Variants in XKR4 observed in about 807,000 individuals in gnomAD.
The protein encoded by XKR4 is XK related 4, also known as XK-related protein 4.
Under a neutral mutation model 53.9 loss-of-function variants are expected in XKR4, and 12 were observed. The observed-to-expected ratio is 0.22, with a 90% confidence interval of 0.14 to 0.36. The LOEUF is 0.36. Among genes scored for constraint, XKR4 ranks in the 10% least tolerant of loss-of-function variants. XKR4 has a pLI of 1.00. For synonymous variants in XKR4, 354 were observed against 362.4 expected, an observed-to-expected ratio of 0.98 and a Z score of 0.26; for missense variants, 799 against 859.5, an observed-to-expected ratio of 0.93 and a Z score of 0.88.
At chr8:55,149,960 C>T (rs576779260) in intron 1 of XKR4, among the ~76,000 whole-genome samples, 1 of 152,280 alleles carries the variant, frequency 6.6e-6, no homozygotes, top group South Asian at 2.1e-4. Flanking sequence ...CAAAGGTGCA[C>T]CACGGTTCAA....
intron 1 of XKR4, among the ~76,000 whole-genome samples, chr8:55,331,086 C>T (rs1415239229): frequency 1.3e-5 from 2 of 152,108 alleles, no homozygotes; most frequent in East Asian, 1.9e-4. Context: ...TTTTCCATCA[C>T]CCCAAACTGA....
chr8:55,351,185 A>G (rs1477160853), intron 1 of XKR4, among the ~76,000 whole-genome samples: 1 of 152,242 alleles, frequency 6.6e-6, no homozygotes, highest in African/African-American at 2.4e-5. Flanking sequence ...TAGTTTACCA[A>G]AATTAAAACA....
chr8:55,394,457 A>C (rs1047500287), intron 2 of XKR4, among the ~76,000 whole-genome samples: 17 of 152,250 alleles, frequency 1.1e-4, no homozygotes, highest in Non-Finnish European at 1.5e-5. Flanking sequence ...AAAACTAAGC[A>C]TTATGAAAAT....
At chr8:55,311,224 A>G (rs1819383676) in intron 1 of XKR4, among the ~76,000 whole-genome samples, 1 of 152,210 alleles carries the variant, frequency 6.6e-6, no homozygotes, top group Admixed American at 6.5e-5. Flanking sequence ...AAGCTCTCAG[A>G]GCCTTCCTCT....
At chr8:55,520,321 C>T (rs1806780263) in intron 2 of XKR4, among the ~76,000 whole-genome samples, 1 of 152,200 alleles carries the variant, frequency 6.6e-6, no homozygotes, top group Non-Finnish European at 1.5e-5. Context: ...CACGGTGGCT[C>T]ACGCCTAAAA....
rs1806992511 is a variant in XKR4 at position 55,534,095 on chromosome 8, C to CT, written c.*9869dup. 2 of 152,080 alleles carry CT rather than the reference C, an allele frequency of 1.3e-5. No individual in the cohort carries two copies. The highest frequency in any genetic ancestry group is 4.8e-5 in the African/African-American group (2 of 41,428). 9.4% of individuals were successfully genotyped at this position (152,080 alleles called of 1,614,324 possible). On this transcript the variant is annotated 3_prime_UTR_variant, in exon 3 of 3. Transcript: ENST00000327381. ...GTCATCTGTTGAATAATTGATCTGT[C>CT]TGAGTACAGTTGCTGCTTTTATTTC...
chr8:55,513,065 T>C (rs188702421), intron 2 of XKR4, among the ~76,000 whole-genome samples: 106 of 152,342 alleles, frequency 7.0e-4, no homozygotes, highest in Admixed American at 9.8e-4. Context: ...CTTAGTTTCA[T>C]TCACCCTGGT....
rs373634405 is a variant in XKR4, at chr8:55,366,110, T to C, written c.1006+8233T>C. On this transcript the variant is annotated intron_variant, in intron 2 of 2. Coordinates refer to ENST00000327381, the MANE Select transcript of XKR4 (RefSeq NM_052898.2). ...AGGCGCTGTGGAGGCCCAGTGATAA[T>C]AGGATGCTGATATGCAGAGGAAACC... Among the ~76,000 whole-genome samples, 363 of 152,242 alleles carry C rather than the reference T, an allele frequency of 2.4e-3. 2 individuals are homozygous for C. The highest frequency in any genetic ancestry group is 4.1e-3 in the Non-Finnish European group (280 of 68,000).
chr8:55,319,807 G>T (rs574974517), intron 1 of XKR4, among the ~76,000 whole-genome samples: 1 of 152,286 alleles, frequency 6.6e-6, no homozygotes, highest in South Asian at 2.1e-4. Flanking sequence ...AAGTTACTTG[G>T]TGAGATGAAA....
At chr8:55,397,082 T>C (rs1427798017) in intron 2 of XKR4, among the ~76,000 whole-genome samples, 5 of 152,240 alleles carry the variant, frequency 3.3e-5, no homozygotes, top group Non-Finnish European at 5.9e-5. Flanking sequence ...TACGATTGAC[T>C]GGCCTAATTC....
At chr8:55,398,359 G>T (rs185895030) in intron 2 of XKR4, among the ~76,000 whole-genome samples, 2 of 152,060 alleles carry the variant, frequency 1.3e-5, no homozygotes, top group Non-Finnish European at 2.9e-5. Context: ...GGAAGTTAAA[G>T]GTTCTTGTTT....
intron 2 of XKR4, among the ~76,000 whole-genome samples, chr8:55,382,279 C>T (rs369713121): frequency 3.3e-5 from 5 of 152,200 alleles, no homozygotes; most frequent in African/African-American, 1.2e-4. Context: ...GGGACAAGAT[C>T]ACTTTGAACA....
At chr8:55,265,402 G>C (rs190149738) in intron 1 of XKR4, among the ~76,000 whole-genome samples, 85 of 152,358 alleles carry the variant, frequency 5.6e-4, no homozygotes, top group Middle Eastern at 3.4e-3. Flanking sequence ...TCCCCATGTG[G>C]CTCCAAGGCT....
intron 2 of XKR4, among the ~76,000 whole-genome samples, chr8:55,446,248 T>G (rs1805344784): frequency 6.6e-6 from 1 of 152,208 alleles, no homozygotes; most frequent in African/African-American, 2.4e-5. Context: ...TTTATCCACA[T>G]GTTACAATGT....
At chr8:55,491,708 C>T (rs1806275194) in intron 2 of XKR4, among the ~76,000 whole-genome samples, 1 of 152,164 alleles carries the variant, frequency 6.6e-6, no homozygotes, top group African/African-American at 2.4e-5. Flanking sequence ...GTTGCCCAGG[C>T]TGGCCTGAGA....
chr8:55,488,420 A>G (rs1454604297), intron 2 of XKR4, among the ~76,000 whole-genome samples: 1 of 151,180 alleles, frequency 6.6e-6, no homozygotes, highest in Non-Finnish European at 1.5e-5. Context: ...ATAATTGCCA[A>G]ACCTGGAAGC....
chr8:55,170,878 A>T (rs1249209595), intron 1 of XKR4, among the ~76,000 whole-genome samples: 3 of 152,226 alleles, frequency 2.0e-5, no homozygotes, highest in African/African-American at 7.2e-5. Flanking sequence ...CACGGCTCCT[A>T]GTCTGCCCGT....
chr8:55,538,307 T>C lies in XKR4; in HGVS notation c.*14080T>C, dbSNP rs1038370993. The C allele has an allele frequency of 1.3e-5, 2 of 152,190 alleles. No individual in the cohort carries two copies. Among genetic ancestry groups the C allele is most frequent in the Non-Finnish European group, 2.9e-5 (2 of 68,060 alleles). 9.4% of individuals were successfully genotyped at this position (152,190 alleles called of 1,614,324 possible). On this transcript the variant is annotated 3_prime_UTR_variant, in exon 3 of 3. Transcript: ENST00000327381. ...TTATTTACCTACCTCATAGGGGTGT[T>C]GTGGAGATTAGCTAGATTTGCTAAA... is the stretch of plus-strand genomic sequence containing the variant.
chr8:55,240,382 A>G (rs759068402), intron 1 of XKR4, among the ~76,000 whole-genome samples: 11 of 152,228 alleles, frequency 7.2e-5, no homozygotes, highest in Non-Finnish European at 1.5e-4. Context: ...TGTTTTTAAA[A>G]AAATACATTT....
Sources: allele counts gnomAD v4.1 joint callset (sites outside exome capture counted in the v4.1 genomes callset), GRCh38; gene constraint gnomAD v4.1.1; transcripts MANE v1.5; gene names NCBI Gene and HGNC (gene_info 2026-07-23, HGNC 2026-07-21).